Variants in TENM2 observed in about 807,000 individuals in gnomAD.
The protein encoded by TENM2 is teneurin transmembrane protein 2.
TENM2 carries 52 observed loss-of-function variants against 245.2 expected under a neutral mutation model. The ratio of observed to expected loss-of-function variants is 0.21; its 90% confidence interval spans 0.17 to 0.27. The LOEUF (loss-of-function observed/expected upper bound fraction) is 0.27. Among genes scored for constraint, TENM2 ranks in the 10% least tolerant of loss-of-function variants. The pLI, the probability that TENM2 is intolerant of heterozygous loss-of-function variation, is 1.00. For missense variants in TENM2, 3,046 were observed against 3,666.8 expected (o/e 0.83, Z 4.37); for synonymous variants, 1,363 against 1,438.9 (o/e 0.95, Z 1.19).
At chr5:167,764,909 A>G (rs1181949038) in intron 2 of TENM2, among the ~76,000 whole-genome samples, 1 of 152,020 alleles carries the variant, frequency 6.6e-6, no homozygotes, top group African/African-American at 2.4e-5. Context: ...AGAGATCTCC[A>G]GGGATATACC....
At chr5:167,558,612 T>C (rs191924867) in intron 2 of TENM2, among the ~76,000 whole-genome samples, 2 of 152,294 alleles carry the variant, frequency 1.3e-5, no homozygotes, top group East Asian at 1.9e-4. Flanking sequence ...GCATTTCTTA[T>C]GAGAATCTAA....
chr5:168,060,292 C>T (rs1433728488), intron 6 of TENM2, among the ~76,000 whole-genome samples: 1 of 151,848 alleles, frequency 6.6e-6, no homozygotes, highest in Non-Finnish European at 1.5e-5. Context: ...CCATGCCTAT[C>T]GTCCCAGCTA....
At chr5:167,174,731 A>G in the TENM2 span, among the ~76,000 whole-genome samples, 1 of 152,142 alleles carries the variant, frequency 6.6e-6, no homozygotes, top group Admixed American at 6.5e-5. Flanking sequence ...ATTATCAATA[A>G]TAGTCAACAC....
the TENM2 span, among the ~76,000 whole-genome samples, chr5:167,109,637 C>G: frequency 6.6e-6 from 1 of 151,986 alleles, no homozygotes; most frequent in Non-Finnish European, 1.5e-5. Context: ...TCACGTTCAT[C>G]CTAATGATAA....
intron 2 of TENM2, among the ~76,000 whole-genome samples, chr5:167,544,533 A>T (rs974171515): frequency 6.6e-6 from 1 of 152,096 alleles, no homozygotes; most frequent in African/African-American, 2.4e-5. Context: ...CTTTTATTCT[A>T]TTATATCTCT....
chr5:167,995,027 T>C (rs192288053), intron 5 of TENM2, among the ~76,000 whole-genome samples: 1 of 152,298 alleles, frequency 6.6e-6, no homozygotes, highest in Admixed American at 6.5e-5. Flanking sequence ...GGGGTTCCTG[T>C]GCTCACTTCT....
intron 2 of TENM2, among the ~76,000 whole-genome samples, chr5:167,800,874 A>G (rs1251823146): frequency 6.6e-6 from 1 of 151,982 alleles, no homozygotes; most frequent in Non-Finnish European, 1.5e-5. Context: ...CTAATTTTAG[A>G]AGACAATGCA....
the TENM2 span, among the ~76,000 whole-genome samples, chr5:167,260,167 A>G: frequency 2.0e-5 from 3 of 152,194 alleles, no homozygotes; most frequent in African/African-American, 7.2e-5. Context: ...ATGAGAGGCC[A>G]TTATACAAAA....
At chr5:167,750,219 T>C (rs1327272640) in intron 2 of TENM2, among the ~76,000 whole-genome samples, 29 of 152,130 alleles carry the variant, frequency 1.9e-4, no homozygotes, top group Admixed American at 1.9e-3. Flanking sequence ...AGGTGCTCAA[T>C]GAATAGAATT....
At chr5:168,044,893 G>A (rs538377069) in intron 5 of TENM2, among the ~76,000 whole-genome samples, 12 of 150,056 alleles carry the variant, frequency 8.0e-5, no homozygotes, top group East Asian at 7.9e-4. Context: ...AGAGCATCTC[G>A]TTTTCTTACT....
chr5:167,825,808 G>T (rs573227560), intron 2 of TENM2, among the ~76,000 whole-genome samples: 1 of 150,384 alleles, frequency 6.6e-6, no homozygotes, highest in Admixed American at 6.6e-5. Context: ...TCATTTATCT[G>T]TCTGAATAGT....
intron 25 of TENM2, among the ~76,000 whole-genome samples, chr5:168,238,248 A>AGAAAAGAAAT (rs1562321069): frequency 6.9e-6 from 1 of 145,058 alleles, no homozygotes; most frequent in East Asian, 2.0e-4. Context: ...AGAAAAGAAA[A>AGAAAAGAAAT]GAAAAGAAAA....
intron 2 of TENM2, among the ~76,000 whole-genome samples, chr5:167,762,308 G>A (rs574039665): frequency 2.0e-5 from 3 of 152,168 alleles, no homozygotes; most frequent in Non-Finnish European, 4.4e-5. Context: ...AGGTGTGGGA[G>A]AACTTATTTA....
chr5:167,542,496 A>G (rs1439721101), intron 2 of TENM2, among the ~76,000 whole-genome samples: 1 of 37,000 alleles, frequency 2.7e-5, no homozygotes, highest in Non-Finnish European at 1.0e-4. Context: ...TTCTGAATCC[A>G]TGAAGGGTCA....
In TENM2 at chr5:167,917,749, G is replaced by A. The variant is rs548994433; in HGVS notation, c.713-34839G>A. Among the ~76,000 whole-genome samples, 109 of 152,286 alleles carry A rather than the reference G, an allele frequency of 7.2e-4. 1 individual carries two copies. Among genetic ancestry groups the A allele is most frequent in the Non-Finnish European group, 1.4e-3 (93 of 68,022 alleles). On this transcript the variant is annotated intron_variant, in intron 3 of 28. Transcript: ENST00000518659. Reference sequence around the variant, plus strand: ...GTGAATCAAGAAGCCTTCACTGAAAGGGGTCTCACACTTGTCTATCTCCCT... The same window carrying A: ...GTGAATCAAGAAGCCTTCACTGAAAAGGGTCTCACACTTGTCTATCTCCCT...
the TENM2 span, among the ~76,000 whole-genome samples, chr5:167,148,154 G>A: frequency 2.0e-5 from 3 of 152,118 alleles, no homozygotes; most frequent in African/African-American, 7.2e-5. Context: ...GGCTAGTGTT[G>A]GAGAAAGAAT....
At chr5:167,043,579 G>A in the TENM2 span, among the ~76,000 whole-genome samples, 1 of 152,184 alleles carries the variant, frequency 6.6e-6, no homozygotes, top group Non-Finnish European at 1.5e-5. Flanking sequence ...ACCTGGAAAT[G>A]GTGGGGCAAG....
intron 12 of TENM2, among the ~76,000 whole-genome samples, chr5:168,146,840 G>A (rs896087759): frequency 5.9e-5 from 9 of 152,222 alleles, no homozygotes; most frequent in African/African-American, 1.9e-4. Context: ...ACAGAAACCA[G>A]GCTTAATCAT....
At chr5:168,205,011 T>C (rs1762244748) in intron 19 of TENM2, among the ~76,000 whole-genome samples, 3 of 152,232 alleles carry the variant, frequency 2.0e-5, no homozygotes, top group African/African-American at 7.2e-5. Flanking sequence ...TCTGGATCTT[T>C]GCACATTCAC....
Sources: gnomAD v4.1 joint callset for allele counts (sites outside exome capture counted in the v4.1 genomes callset) on GRCh38, gnomAD v4.1.1 for gene constraint, MANE v1.5 for transcripts, NCBI Gene and HGNC (gene_info 2026-07-23, HGNC 2026-07-21) for gene names.